Variants in TARS3 observed in about 807,000 individuals in gnomAD.
TARS3 encodes the protein threonine--tRNA ligase 2, cytoplasmic.
TARS3 carries 94 observed loss-of-function variants against 103.5 expected under a neutral mutation model. The ratio of observed to expected loss-of-function variants is 0.91; its 90% confidence interval spans 0.77 to 1.08. The LOEUF (loss-of-function observed/expected upper bound fraction) is 1.08. Among genes scored for constraint, TARS3 ranks in the 50% least tolerant of loss-of-function variants. TARS3 has a pLI of 0.00. For synonymous variants in TARS3, 416 were observed against 355.4 expected, an observed-to-expected ratio of 1.17 and a Z score of -1.92; for missense variants, 952 against 995.2, an observed-to-expected ratio of 0.96 and a Z score of 0.58.
At chr15:101,710,019 G>C (rs1899778938) in intron 5 of TARS3, among the ~76,000 whole-genome samples, 1 of 152,184 alleles carries the variant, frequency 6.6e-6, no homozygotes, top group Non-Finnish European at 1.5e-5. Flanking sequence ...TTAAAGGGTT[G>C]GGACTTTCAG....
chr15:101,661,536 G>A (rs908262001), intron 16 of TARS3, among the ~76,000 whole-genome samples, 176 bp downstream of exon 16: 2 of 151,900 alleles, frequency 1.3e-5, no homozygotes, highest in African/African-American at 4.8e-5. Flanking sequence ...TTCTTTATTT[G>A]CTGTTTGGAC....
Position 101,724,097 on chromosome 15 carries a change from G to A in TARS3, c.291C>T (p.Gly97=). 3 of 1,363,164 alleles carry A rather than the reference G, an allele frequency of 2.2e-6. No homozygotes were observed. Among genetic ancestry groups the A allele is most frequent in the Admixed American group, 3.6e-5 (1 of 28,116 alleles). The allele number at this position is 1,363,164 out of a possible 1,614,324, so 84.4% of individuals were successfully genotyped here. Residue 97 remains glycine (G), a synonymous_variant, in exon 1 of 19, where the codon GGC becomes GGT. Coordinates refer to ENST00000335968, the MANE Select transcript of TARS3 (RefSeq NM_152334.3). ...GTCCCCACCGCCCGGTTACCTGTGCGCCGGCCTCCTGCGCCGCCTCTAGCT... is the reference window on the plus strand; with the variant it reads ...GTCCCCACCGCCCGGTTACCTGTGCACCGGCCTCCTGCGCCGCCTCTAGCT... The part of the protein sequence containing the change: ...SAELEAAQEA[G]AQPPPSQSQD...
chr15:101,704,609 C>T (rs911685506), intron 7 of TARS3, among the ~76,000 whole-genome samples: 4 of 149,458 alleles, frequency 2.7e-5, no homozygotes, highest in South Asian at 4.2e-4. Flanking sequence ...GAACCGAGGT[C>T]GCGCCATCGC....
At chr15:101,700,963 A>C (rs935074286) in intron 10 of TARS3, 123 bp downstream of exon 10, 1 of 657,872 alleles carries the variant, frequency 1.5e-6, no homozygotes, top group Admixed American at 3.6e-5. Flanking sequence ...TTTAACCTCA[A>C]AATTCTTATT....
At chr15:101,716,141 C>A (rs564176020) in intron 3 of TARS3, among the ~76,000 whole-genome samples, 1 of 151,982 alleles carries the variant, frequency 6.6e-6, no homozygotes, top group Non-Finnish European at 1.5e-5. Flanking sequence ...CTCGGCCTCC[C>A]GAGTAGCTGG....
intron 4 of TARS3, among the ~76,000 whole-genome samples, chr15:101,714,236 C>T (rs1219853193): frequency 6.6e-6 from 1 of 152,062 alleles, no homozygotes; most frequent in African/African-American, 2.4e-5. Context: ...TTTTTAATGG[C>T]CTACTAACAA....
intron 6 of TARS3, among the ~76,000 whole-genome samples, chr15:101,707,068 A>G (rs1445266109): frequency 1.3e-5 from 2 of 152,240 alleles, no homozygotes; most frequent in Non-Finnish European, 2.9e-5. Flanking sequence ...AATGGCCAAT[A>G]AGCACATTAA....
chr15:101,697,930 G>A (rs562588202), intron 10 of TARS3, among the ~76,000 whole-genome samples: 49 of 152,276 alleles, frequency 3.2e-4, no homozygotes, highest in Non-Finnish European at 4.6e-4. Flanking sequence ...TATAGAAAAG[G>A]ACTCGCAAAG....
Position 101,654,583 on chromosome 15 carries a change from C to A in TARS3, c.2408G>T (p.Ter803LeuextTer10), listed in dbSNP as rs745664009. ...TRTLNAEEAF[*>L] is the part of the protein sequence containing the mutation. Reference sequence around the variant, plus strand: ...AGAAGCAAATATCAGGGAAGGACTTCAAAAGGCCTCCTCAGCATTGAGTGT... The same window carrying A: ...AGAAGCAAATATCAGGGAAGGACTTAAAAAGGCCTCCTCAGCATTGAGTGT... The change falls in exon 19 of 19, where the codon TGA (stop) becomes TTA (leucine). Residue 803 changes from the stop codon to leucine, a stop_lost. Transcript: ENST00000335968. The A allele has an allele frequency of 6.2e-7, 1 of 1,608,550 alleles. No individual in the cohort carries two copies. The highest frequency in any genetic ancestry group is 1.1e-5 in the South Asian group (1 of 89,938).
chr15:101,693,708 CT>C, intron 10 of TARS3, among the ~76,000 whole-genome samples: 1 of 152,222 alleles, frequency 6.6e-6, no homozygotes, highest in East Asian at 1.9e-4. Flanking sequence ...TGATGGAATA[CT>C]GCCCAGGGAC....
intron 3 of TARS3, among the ~76,000 whole-genome samples, chr15:101,720,078 T>G (rs1900371460): frequency 6.6e-6 from 1 of 152,242 alleles, no homozygotes; most frequent in East Asian, 1.9e-4. Flanking sequence ...CCTCAAAACC[T>G]GTTTTCTCCT....
At chr15:101,661,421 A>C (rs1422084341) in intron 16 of TARS3, among the ~76,000 whole-genome samples, 1 of 151,128 alleles carries the variant, frequency 6.6e-6, no homozygotes, top group African/African-American at 2.4e-5. Context: ...TGAAACAGGT[A>C]AAAAGATAAC....
At chr15:101,675,947 C>G (rs1485237779) in intron 12 of TARS3, among the ~76,000 whole-genome samples, 2 of 147,050 alleles carry the variant, frequency 1.4e-5, no homozygotes, top group East Asian at 3.8e-4. Flanking sequence ...GGCGAGGGAA[C>G]CGTACTGTGA....
In TARS3 at chr15:101,663,243, G is replaced by T. The variant is rs191822605; in HGVS notation, c.1968-1427C>A. On this transcript the variant is annotated intron_variant, in intron 15 of 18. Coordinates refer to ENST00000335968, the MANE Select transcript of TARS3 (RefSeq NM_152334.3). ...GTTCTAGGGTACATGTGCACAATGT[G>T]CAGGTTTGTTACATATGTATACATG... is the stretch of plus-strand genomic sequence containing the variant. Among the ~76,000 whole-genome samples the T allele has an allele frequency of 5.9e-3, 900 of 152,278 alleles. 8 individuals are homozygous for T. The highest frequency in any genetic ancestry group is 0.02 in the African/African-American group (832 of 41,558).
At chr15:101,699,467 C>G in intron 10 of TARS3, 1 of 455,988 alleles carries the variant, frequency 2.2e-6, no homozygotes, top group South Asian at 1.5e-5. Flanking sequence ...CTTAATGCCA[C>G]TGTAAAGGCT....
rs763854348 is a variant in TARS3 at position 101,724,384 on chromosome 15, C to T, written c.4G>A (p.Ala2Thr). The stretch of plus-strand genomic sequence containing the variant: ...GCCTCCGCCGCCAGGGCCTCGGCCG[C>T]CATCGCGGCCTCCCTCAGGCACCGA... M[A>T]AEALAAEAVA... The change falls in exon 1 of 19, where the codon GCG becomes ACG. Residue 2 changes from alanine (A) to threonine (T), a missense_variant. Ala to Thr is a moderately conservative substitution (Grantham distance 58, BLOSUM62 0). Around this residue, in one of 2 missense-constraint regions of TARS3, gnomAD observed 412 missense variants for 364.2 expected, o/e 1.13. Coordinates refer to ENST00000335968, the MANE Select transcript of TARS3 (RefSeq NM_152334.3). 6.7e-7 allele frequency: 1 copy of T among 1,495,050 alleles called. No individual in the cohort carries two copies. Among genetic ancestry groups the T allele is most frequent in the Admixed American group, 2.2e-5 (1 of 45,016 alleles). The allele number at this position is 1,495,050 out of a possible 1,614,324, so 92.6% of individuals were successfully genotyped here. A position where few individuals can be genotyped will look rare whatever the true frequency, so the allele number is the denominator to read the frequency against.
chr15:101,722,998 C>T (rs777468980), intron 2 of TARS3, 95 bp downstream of exon 2: 53 of 1,143,790 alleles, frequency 4.6e-5, no homozygotes, highest in Non-Finnish European at 6.3e-5. Context: ...ATAATTTAAT[C>T]AGTAATTTTT....
In TARS3 at chr15:101,724,135, G is replaced by A. The variant is rs749872464; in HGVS notation, c.253C>T (p.Leu85=). Residue 85 remains leucine (L), a synonymous_variant, in exon 1 of 19, where the codon CTG becomes TTG. Transcript: ENST00000335968. ...LAEERSRQAT[L]ESAELEAAQE... is the part of the protein sequence containing the mutation. ...GCCGCCTCTAGCTCCGCGCTCTCCAGCGTGGCCTGGCGGCTCCGCTCCTCG... is the reference window on the plus strand; with the variant it reads ...GCCGCCTCTAGCTCCGCGCTCTCCAACGTGGCCTGGCGGCTCCGCTCCTCG... 5 of 1,440,682 alleles carry A rather than the reference G, an allele frequency of 3.5e-6. No individual in the cohort carries two copies. Among genetic ancestry groups the A allele is most frequent in the South Asian group, 1.4e-5 (1 of 71,700 alleles). 89.2% of individuals were successfully genotyped at this position (1,440,682 alleles called of 1,614,324 possible).
intron 14 of TARS3, 33 bp from the exon 15 acceptor site, chr15:101,671,619 G>A (rs756935859): frequency 6.8e-6 from 11 of 1,608,114 alleles, no homozygotes; most frequent in Non-Finnish European, 6.0e-6. Context: ...TCAGAAAAGA[G>A]TATTTATTTT....
Sources: allele counts gnomAD v4.1 joint callset (sites outside exome capture counted in the v4.1 genomes callset), GRCh38; gene constraint gnomAD v4.1.1; regional missense constraint gnomAD v4.1.1; transcripts MANE v1.5; gene names NCBI Gene and HGNC (gene_info 2026-07-23, HGNC 2026-07-21).